The following ABCA1 variants were observed in gnomAD, a reference collection of about 807,000 sequenced individuals.
ABCA1 encodes the protein phospholipid-transporting ATPase ABCA1.
ABCA1 carries 133 observed loss-of-function variants against 262.5 expected under a neutral mutation model. That is an observed-to-expected ratio of 0.51 (90% CI 0.44 to 0.59). The LOEUF (loss-of-function observed/expected upper bound fraction) is 0.59, where lower values mean the gene tolerates loss of function less well. ABCA1 is among the 20% of genes least tolerant of loss of function. The pLI is 0.00. For missense variants in ABCA1, 2,452 were observed against 2,777.5 expected (o/e 0.88, Z 2.63); for synonymous variants, 1,022 against 1,043.5 (o/e 0.98, Z 0.40).
In ABCA1 at chr9:104,903,745, A is replaced by G. The variant is rs1385984093; in HGVS notation, c.-66T>C. On this transcript the variant is annotated 5_prime_UTR_variant, in exon 2 of 50. Coordinates refer to ENST00000374736, the MANE Select transcript of ABCA1 (RefSeq NM_005502.4). Reference sequence around the variant, plus strand: ...CTGGAAGGCAGCGGCCAGAGCTCACAGCAGGGACGCCGTGGCTGGTCATTA... The same window carrying G: ...CTGGAAGGCAGCGGCCAGAGCTCACGGCAGGGACGCCGTGGCTGGTCATTA... 6 of 1,461,622 alleles carry G rather than the reference A, an allele frequency of 4.1e-6. No homozygotes were observed. In the East Asian group the frequency reaches 7.4e-5, roughly 18 times the overall value. The allele number at this position is 1,461,622 out of a possible 1,614,324, so 90.5% of individuals were successfully genotyped here.
At chr9:104,793,030 C>T (rs756556423) in intron 41 of ABCA1, 124 bp from the exon 42 acceptor site, 23 of 1,581,098 alleles carry the variant, frequency 1.5e-5, no homozygotes, top group African/African-American at 2.7e-5. Context: ...GAGGGGGCTG[C>T]GGGATGCCCA....
chr9:104,918,686 C>T (rs1389921605), intron 1 of ABCA1, among the ~76,000 whole-genome samples: 1 of 152,200 alleles, frequency 6.6e-6, no homozygotes, highest in Non-Finnish European at 1.5e-5. Context: ...CTAACCCCAA[C>T]TAAGGTAAAC....
chr9:104,814,668 T>C (rs1387045921), intron 25 of ABCA1, among the ~76,000 whole-genome samples, 193 bp from the exon 26 acceptor site: 2 of 152,100 alleles, frequency 1.3e-5, no homozygotes, highest in African/African-American at 4.8e-5. Context: ...ATTTCCTCAG[T>C]GGTGAGAGCT....
intron 44 of ABCA1, among the ~76,000 whole-genome samples, chr9:104,789,362 G>C (rs932527887): frequency 6.6e-6 from 1 of 152,220 alleles, no homozygotes; most frequent in Admixed American, 6.5e-5. Context: ...GCAAGCCTAG[G>C]AAAGCAGTTG....
chr9:104,831,048 C>T lies in ABCA1; in HGVS notation c.1769G>A (p.Trp590Ter). The part of the protein sequence containing the change: ...ADPFEDMRYV[W>*]GGFAYLQDVV... Reference sequence around the variant, plus strand: ...ATCCTGCAAGTAGGCGAAGCCCCCCCAGACGTACCGCATGTCCTCAAAGGG... The same window carrying T: ...ATCCTGCAAGTAGGCGAAGCCCCCCTAGACGTACCGCATGTCCTCAAAGGG... Residue 590 changes from tryptophan (W) to a stop codon, truncating the protein, a stop_gained, in exon 14 of 50, where the codon TGG becomes TAG. Transcript: ENST00000374736. LOFTEE classifies it high-confidence loss of function. 2.5e-6 allele frequency: 4 copies of T among 1,613,732 alleles called. No individual in the cohort carries two copies. The highest frequency in any genetic ancestry group is 3.4e-6 in the Non-Finnish European group (4 of 1,179,954).
intron 30 of ABCA1, among the ~76,000 whole-genome samples, chr9:104,807,541 C>A (rs1479280045): frequency 1.3e-5 from 2 of 152,074 alleles, no homozygotes; most frequent in Admixed American, 1.3e-4. Flanking sequence ...AATTGCCAGG[C>A]ACGATGGCTC....
At position 104,817,196 on chromosome 9, in the gene ABCA1, C is replaced by A. The variant is rs1462258478; in HGVS notation, c.3535+136G>T. ...CGCCACCAAGCTGCTCCCACACCCG[C>A]AGCCACCCAGCCCCAGCCCAGCAGC... is the stretch of plus-strand genomic sequence containing the variant. On this transcript the variant is annotated intron_variant, in intron 24 of 49. Coordinates refer to ENST00000374736, the MANE Select transcript of ABCA1 (RefSeq NM_005502.4). This position sits in a 1 kb window ranked among gnomAD's most constrained non-coding sequence, Gnocchi z 4.7. 6.4e-7 allele frequency: 1 copy of A among 1,566,436 alleles called. No individual in the cohort carries two copies. The highest frequency in any genetic ancestry group is 8.6e-7 in the Non-Finnish European group (1 of 1,160,652).
At chr9:104,913,776 T>G (rs1344714507) in intron 1 of ABCA1, among the ~76,000 whole-genome samples, 1 of 151,948 alleles carries the variant, frequency 6.6e-6, no homozygotes, top group East Asian at 1.9e-4. Flanking sequence ...TCCCTACAAG[T>G]TTTTATTTTA....
rs764005001 is a variant in ABCA1 at position 104,816,355 on chromosome 9, C to A, written c.3536-10G>T. ...GAGATAGCAGAGACATCTGCAGGGA[C>A]CAGAATGCAAAGATGGCTCAATCAA... On this transcript the variant is annotated splice_polypyrimidine_tract_variant and intron_variant, in intron 24 of 49. Transcript: ENST00000374736. 31 of 1,612,714 alleles carry A rather than the reference C, an allele frequency of 1.9e-5. No homozygotes were observed. The highest frequency in any genetic ancestry group is 3.3e-5 in the Admixed American group (2 of 59,982).
At chr9:104,845,600 A>C (rs1834800617) in intron 7 of ABCA1, 31 bp from the exon 8 acceptor site, 1 of 1,430,980 alleles carries the variant, frequency 7.0e-7, no homozygotes, top group Non-Finnish European at 9.8e-7. Context: ...TTGTTTCTGA[A>C]TTCAAATGTA....
At position 104,883,035 on chromosome 9, in the gene ABCA1, T is replaced by C; in HGVS notation, c.421+4A>G. 6.2e-7 allele frequency: 1 copy of C among 1,610,200 alleles called. No individual in the cohort carries two copies. The highest frequency in any genetic ancestry group is 8.5e-7 in the Non-Finnish European group (1 of 1,176,348). ...AAACGGATGCAGAGAAGGTTTTTAC[T>C]TACTTGAGCTGGATTTCTTGATCTG... On this transcript the variant is annotated splice_donor_region_variant and intron_variant, in intron 5 of 49. Coordinates refer to ENST00000374736, the MANE Select transcript of ABCA1 (RefSeq NM_005502.4).
In ABCA1 at chr9:104,792,807, T is replaced by G; in HGVS notation, c.5736A>C (p.Leu1912Phe). The change falls in exon 42 of 50, where the codon TTA becomes TTC. Residue 1912 changes from leucine (L) to phenylalanine (F), a missense_variant. Physicochemically the swap from Leu to Phe is conservative, Grantham distance 22. Around this residue, in one of 4 missense-constraint regions of ABCA1, gnomAD observed 752 missense variants for 944.5 expected, o/e 0.80. Transcript: ENST00000374736. Reference protein sequence around the residue: ...ILDGGGQNDILEIKELTKIYR... With the variant: ...ILDGGGQNDIFEIKELTKIYR... ...TCACCTTCGTCAACTCCTTGATTTC[T>G]AAGATGTCATTCTGGCCTCCACCAT... 1 of 1,614,164 alleles carries G rather than the reference T, an allele frequency of 6.2e-7. No individual in the cohort carries two copies. Among genetic ancestry groups the G allele is most frequent in the Non-Finnish European group, 8.5e-7 (1 of 1,180,002 alleles).
intron 11 of ABCA1, among the ~76,000 whole-genome samples, chr9:104,836,557 G>T (rs977156311): frequency 1.3e-5 from 2 of 152,142 alleles, no homozygotes; most frequent in Non-Finnish European, 2.9e-5. Flanking sequence ...TTCACACAGT[G>T]CCCTGAGAAT....
Position 104,791,121 on chromosome 9 carries a change from A to C in ABCA1, c.5821-93T>G, listed in dbSNP as rs1276215639. The C allele has an allele frequency of 3.6e-6, 3 of 822,194 alleles. No homozygotes were observed. The African/African-American group carries it at 5.1e-5, about 14-fold the overall frequency. The allele number at this position is 822,194 out of a possible 1,614,324, so 50.9% of individuals were successfully genotyped here. On this transcript the variant is annotated intron_variant, in intron 43 of 49. Transcript: ENST00000374736. ...AACTACCTCAAACCTTCAATTCTTA[A>C]ATATCAGAGAAGAATCAAATATTTT...
chr9:104,898,549 AAAAT>A (rs60925856), intron 2 of ABCA1, among the ~76,000 whole-genome samples: 16,758 of 142,960 alleles, frequency 0.12, 1,185 homozygotes, highest in African/African-American at 0.19. Context: ...TCCGTCTTGA[AAAAT>A]AAATAAATAA....
chr9:104,863,444 C>G (rs1237323836), intron 5 of ABCA1, among the ~76,000 whole-genome samples: 3 of 152,188 alleles, frequency 2.0e-5, no homozygotes, highest in Non-Finnish European at 4.4e-5. Flanking sequence ...AAACTGAAAT[C>G]ATTTACCAGA....
intron 37 of ABCA1, 87 bp downstream of exon 37, chr9:104,798,334 A>T: frequency 3.4e-6 from 5 of 1,482,928 alleles, no homozygotes; most frequent in Non-Finnish European, 4.7e-6. Context: ...ACATTTCCTG[A>T]TGATAGCCAG....
intron 7 of ABCA1, chr9:104,856,220 T>C: frequency 7.2e-7 from 1 of 1,394,090 alleles, no homozygotes; most frequent in South Asian, 1.6e-5. Context: ...CATTTCAAAA[T>C]GTTTGGAAGT....
chr9:104,793,455 T>C (rs1357084504), intron 40 of ABCA1, among the ~76,000 whole-genome samples, 155 bp from the exon 41 acceptor site: 1 of 151,558 alleles, frequency 6.6e-6, no homozygotes, highest in East Asian at 1.9e-4. Context: ...AACAAGAGAG[T>C]GATCACTTTC....
Sources: allele counts gnomAD v4.1 joint callset (sites outside exome capture counted in the v4.1 genomes callset), GRCh38; gene constraint gnomAD v4.1.1; regional missense constraint gnomAD v4.1.1; non-coding constraint Gnocchi (gnomAD v3.1); transcripts MANE v1.5; gene names NCBI Gene and HGNC (gene_info 2026-07-23, HGNC 2026-07-21).